CSTPP1: variants seen among roughly 807,000 people sequenced by gnomAD.
CSTPP1 encodes UPF0705 protein C11orf49.
the CSTPP1 span, among the ~76,000 whole-genome samples, chr11:47,108,704 CT>C: frequency 0.053 from 6,226 of 118,272 alleles, 435 homozygotes; most frequent in African/African-American, 0.19. Flanking sequence ...GTACTATCTA[CT>C]TTTTTTTTTT....
chr11:47,022,223 G>C, the CSTPP1 span, among the ~76,000 whole-genome samples: 1 of 150,698 alleles, frequency 6.6e-6, no homozygotes, highest in African/African-American at 2.4e-5. Context: ...TATTAGTCTG[G>C]TCCTCCCATA....
At chr11:47,038,503 G>C in the CSTPP1 span, among the ~76,000 whole-genome samples, 2 of 105,302 alleles carry the variant, frequency 1.9e-5, no homozygotes, top group African/African-American at 2.8e-5. Context: ...CAGGCAGAGG[G>C]GCTCCTCACT....
the CSTPP1 span, among the ~76,000 whole-genome samples, chr11:47,045,642 T>C: frequency 6.6e-6 from 1 of 152,318 alleles, no homozygotes; most frequent in East Asian, 1.9e-4. Flanking sequence ...GGATTATGGA[T>C]CTTATTTCTT....
the CSTPP1 span, among the ~76,000 whole-genome samples, chr11:47,142,158 G>A: frequency 1.3e-5 from 2 of 149,448 alleles, no homozygotes; most frequent in East Asian, 2.0e-4. Flanking sequence ...CAGGAAAATC[G>A]CTTGAACCCA....
the CSTPP1 span, among the ~76,000 whole-genome samples, chr11:47,009,816 A>G: frequency 6.6e-6 from 1 of 152,046 alleles, no homozygotes; most frequent in South Asian, 2.1e-4. Context: ...ACTCTGTCTC[A>G]AAAAGAAAAA....
At chr11:47,063,183 G>T in the CSTPP1 span, among the ~76,000 whole-genome samples, 5 of 152,064 alleles carry the variant, frequency 3.3e-5, no homozygotes, top group African/African-American at 1.2e-4. Flanking sequence ...TTTAGAATTA[G>T]AAGGGACCTT....
chr11:46,969,570 C>A, the CSTPP1 span, among the ~76,000 whole-genome samples: 415 of 152,194 alleles, frequency 2.7e-3, 2 homozygotes, highest in African/African-American at 9.4e-3. Context: ...CTCGTAGTGG[C>A]ACTATTCATA....
At chr11:47,011,944 A>G in the CSTPP1 span, among the ~76,000 whole-genome samples, 1 of 152,146 alleles carries the variant, frequency 6.6e-6, no homozygotes, top group South Asian at 2.1e-4. Context: ...AAACAAATAA[A>G]TTAGTAAGGT....
chr11:47,017,298 C>T, the CSTPP1 span, among the ~76,000 whole-genome samples: 54 of 151,618 alleles, frequency 3.6e-4, no homozygotes, highest in Non-Finnish European at 7.8e-4. Flanking sequence ...CCTCAATCAC[C>T]CGAGTAGCTG....
At chr11:47,148,797 T>C in the CSTPP1 span, among the ~76,000 whole-genome samples, 1 of 152,126 alleles carries the variant, frequency 6.6e-6, no homozygotes, top group Non-Finnish European at 1.5e-5. Flanking sequence ...TATGATTATA[T>C]CCTCTTCACA....
the CSTPP1 span, among the ~76,000 whole-genome samples, chr11:47,055,247 T>A: frequency 6.6e-6 from 1 of 152,078 alleles, no homozygotes; most frequent in Non-Finnish European, 1.5e-5. Flanking sequence ...ACTTTCATAT[T>A]ATGTGTTTTC....
At chr11:46,973,381 C>T in the CSTPP1 span, among the ~76,000 whole-genome samples, 1 of 152,090 alleles carries the variant, frequency 6.6e-6, no homozygotes, top group Non-Finnish European at 1.5e-5. Context: ...CTGCATACAA[C>T]AGAGAAACCT....
chr11:46,982,249 T>C, the CSTPP1 span, among the ~76,000 whole-genome samples: 3 of 152,072 alleles, frequency 2.0e-5, no homozygotes, highest in Non-Finnish European at 4.4e-5. Flanking sequence ...GAAAACTCTA[T>C]GTATTTATCA....
At chr11:47,114,579 T>C in the CSTPP1 span, among the ~76,000 whole-genome samples, 1 of 152,198 alleles carries the variant, frequency 6.6e-6, no homozygotes, top group Non-Finnish European at 1.5e-5. Flanking sequence ...AGGTATTTTA[T>C]TCTCTTTGTA....
the CSTPP1 span, among the ~76,000 whole-genome samples, chr11:47,075,656 C>T: frequency 3.3e-5 from 5 of 151,922 alleles, no homozygotes; most frequent in South Asian, 2.1e-4. Context: ...GGTGGCCTCA[C>T]GCCTGTAATT....
At chr11:47,074,894 T>C in the CSTPP1 span, among the ~76,000 whole-genome samples, 2 of 152,212 alleles carry the variant, frequency 1.3e-5, no homozygotes, top group Non-Finnish European at 1.5e-5. Flanking sequence ...ATTTTTTTAG[T>C]GTGTCCTCTG....
At chr11:47,010,469 A>G in the CSTPP1 span, among the ~76,000 whole-genome samples, 6 of 152,180 alleles carry the variant, frequency 3.9e-5, no homozygotes. Context: ...TGTTGTGGTG[A>G]GACCTTTGCC....
the CSTPP1 span, chr11:47,161,289 CCCA>C: frequency 6.2e-7 from 1 of 1,603,022 alleles, no homozygotes; most frequent in African/African-American, 1.3e-5. Context: ...TCTGTAACAT[CCCA>C]CATCTGCCAG....
At chr11:46,948,904 G>A in the CSTPP1 span, among the ~76,000 whole-genome samples, 4 of 152,162 alleles carry the variant, frequency 2.6e-5, no homozygotes, top group Non-Finnish European at 5.9e-5. Context: ...TCAGTTATGT[G>A]CAGTTAAGCC....
Sources: gnomAD v4.1 joint callset for allele counts (sites outside exome capture counted in the v4.1 genomes callset) on GRCh38, gnomAD v4.1.1 for gene constraint, MANE v1.5 for transcripts, NCBI Gene and HGNC (gene_info 2026-07-23, HGNC 2026-07-21) for gene names.